Variants in ARHGEF7 observed in about 807,000 individuals in gnomAD.
ARHGEF7 encodes PAK-interacting exchange factor beta.
A neutral mutation model predicts 109.8 loss-of-function variants in ARHGEF7; 33 were observed. The observed-to-expected ratio is 0.30, with a 90% CI of 0.23 to 0.40. The LOEUF (loss-of-function observed/expected upper bound fraction) is 0.40. Ranked by LOEUF, ARHGEF7 falls within the 10% of genes least tolerant of loss-of-function variation. ARHGEF7 has a pLI of 1.00. For synonymous variants in ARHGEF7, 458 were observed against 424.6 expected (o/e 1.08, Z -0.97); for missense variants, 938 against 1,098.5 (o/e 0.85, Z 2.07).
intron 2 of ARHGEF7, among the ~76,000 whole-genome samples, chr13:111,199,501 T>C (rs1023243688): frequency 1.3e-5 from 2 of 152,220 alleles, no homozygotes; most frequent in Admixed American, 1.3e-4. Flanking sequence ...TGCCTGTGCA[T>C]ACTTGTAAGG....
intron 1 of ARHGEF7, among the ~76,000 whole-genome samples, chr13:111,143,012 T>C (rs147025075): frequency 6.6e-6 from 1 of 152,264 alleles, no homozygotes; most frequent in East Asian, 1.9e-4. Flanking sequence ...GACTTCACTG[T>C]GTGTGGAGCT....
chr13:111,153,598 AT>A, intron 1 of ARHGEF7: 1 of 1,119,398 alleles, frequency 8.9e-7, no homozygotes, highest in South Asian at 2.7e-5. Flanking sequence ...ACCCGACGCT[AT>A]CCGAAGACGT....
chr13:111,189,957 A>G (rs921944871), intron 2 of ARHGEF7, among the ~76,000 whole-genome samples: 1 of 152,182 alleles, frequency 6.6e-6, no homozygotes, highest in Non-Finnish European at 1.5e-5. Context: ...CCCTCTAAAT[A>G]GGAGACTCCA....
intron 8 of ARHGEF7, among the ~76,000 whole-genome samples, chr13:111,246,935 A>G (rs891203216): frequency 2.0e-5 from 3 of 152,236 alleles, no homozygotes; most frequent in African/African-American, 7.2e-5. Flanking sequence ...AAAAAGCTGA[A>G]ATAAAGGCAG....
chr13:111,302,868 T>C (rs1418242085), intron 21 of ARHGEF7, 123 bp from the exon 22 acceptor site: 2 of 1,275,324 alleles, frequency 1.6e-6, no homozygotes, highest in Non-Finnish European at 2.2e-6. Flanking sequence ...TCAGAGCCCA[T>C]AGGCAGCTCA....
At chr13:111,257,432 T>G (rs1464888356) in intron 8 of ARHGEF7, among the ~76,000 whole-genome samples, 2 of 152,278 alleles carry the variant, frequency 1.3e-5, no homozygotes, top group Non-Finnish European at 2.9e-5. Context: ...TTTATAAGTA[T>G]TTAATGTAAT....
intron 17 of ARHGEF7, among the ~76,000 whole-genome samples, chr13:111,287,582 A>G (rs1211315375): frequency 6.6e-6 from 1 of 152,216 alleles, no homozygotes; most frequent in Non-Finnish European, 1.5e-5. Flanking sequence ...TGCTGCAGAG[A>G]CCCAGTGGGG....
Position 111,273,717 on chromosome 13 carries a change from T to A in ARHGEF7, c.1074-97T>A, listed in dbSNP as rs576365186. The A allele has an allele frequency of 3.3e-6, 5 of 1,519,162 alleles. No homozygotes were observed. Among genetic ancestry groups the A allele is most frequent in the Non-Finnish European group, 4.5e-6 (5 of 1,103,694 alleles). 94.1% of individuals were successfully genotyped at this position (1,519,162 alleles called of 1,614,324 possible). A position where few individuals can be genotyped will look rare whatever the true frequency, so the allele number is the denominator to read the frequency against. On this transcript the variant is annotated intron_variant, in intron 9 of 21. Transcript: ENST00000646102. This position sits in a 1 kb window ranked among gnomAD's most constrained non-coding sequence, Gnocchi z 4.5. The stretch of plus-strand genomic sequence containing the variant: ...TTCCAGATGTTAAAAGCAACACTTA[T>A]GTTTCATAAATTCTGGCTGTTGCTC...
chr13:111,238,622 G>A (rs1264174937), intron 6 of ARHGEF7, among the ~76,000 whole-genome samples: 1 of 152,146 alleles, frequency 6.6e-6, no homozygotes, highest in African/African-American at 2.4e-5. Flanking sequence ...ATTTGACAGT[G>A]AAAGCACACT....
At chr13:111,180,444 G>A (rs910408358) in intron 2 of ARHGEF7, among the ~76,000 whole-genome samples, 7 of 152,188 alleles carry the variant, frequency 4.6e-5, no homozygotes, top group Admixed American at 1.3e-4. Flanking sequence ...GAGAAGTAAC[G>A]GTGGAAATAC....
rs148146095 is a variant in ARHGEF7, at chr13:111,200,243, C to G, written c.253-5046C>G. On this transcript the variant is annotated intron_variant, in intron 2 of 21. Coordinates refer to ENST00000646102, the MANE Select transcript of ARHGEF7 (RefSeq NM_001354046.2). ...CATCCTTCATTTTCCTCCCGGTCAT[C>G]TCCAAGCCGAGCCTCCTTTCTCTGG... Among the ~76,000 whole-genome samples, 1,420 of 152,218 alleles carry G rather than the reference C, an allele frequency of 9.3e-3. 15 individuals carry two copies. Among genetic ancestry groups the G allele is most frequent in the Non-Finnish European group, 0.016 (1,085 of 68,010 alleles).
At chr13:111,213,564 T>C (rs1045918352) in intron 4 of ARHGEF7, among the ~76,000 whole-genome samples, 1 of 152,164 alleles carries the variant, frequency 6.6e-6, no homozygotes, top group Non-Finnish European at 1.5e-5. Context: ...GTTTTATCCA[T>C]TTTTGTATTT....
chr13:111,277,252 A>C lies in ARHGEF7; in HGVS notation c.1420-335A>C, dbSNP rs146960957. On this transcript the variant is annotated intron_variant, in intron 12 of 21. Transcript: ENST00000646102. ...ATCACAGAGCTGAACTCTTTAACCAAATATAGTTTCAAGATGTTACACAGG... is the reference window on the plus strand; with the variant it reads ...ATCACAGAGCTGAACTCTTTAACCACATATAGTTTCAAGATGTTACACAGG... Among the ~76,000 whole-genome samples the C allele has an allele frequency of 6.1e-3, 936 of 152,322 alleles. 9 individuals carry two copies. Among genetic ancestry groups the C allele is most frequent in the African/African-American group, 0.021 (884 of 41,576 alleles).
chr13:111,271,317 G>T (rs973411842), intron 9 of ARHGEF7, among the ~76,000 whole-genome samples: 5 of 152,198 alleles, frequency 3.3e-5, no homozygotes, highest in African/African-American at 1.2e-4. Flanking sequence ...GTCTGTCCTG[G>T]ACCCTCCTCA....
chr13:111,154,725 C>G (rs923043843), intron 2 of ARHGEF7, among the ~76,000 whole-genome samples: 1 of 152,138 alleles, frequency 6.6e-6, no homozygotes, highest in Non-Finnish European at 1.5e-5. Context: ...TTTTATTTTG[C>G]TATTGCGATT....
chr13:111,150,816 C>T (rs573858944), intron 1 of ARHGEF7, among the ~76,000 whole-genome samples: 2 of 152,276 alleles, frequency 1.3e-5, no homozygotes, highest in Admixed American at 1.3e-4. Context: ...ATGAAAAGAA[C>T]TTCTTTGTTG....
At chr13:111,221,373 ATATC>A (rs1273379570) in intron 5 of ARHGEF7, among the ~76,000 whole-genome samples, 2 of 36,670 alleles carry the variant, frequency 5.5e-5, no homozygotes, top group African/African-American at 1.8e-4. Flanking sequence ...ATCTATATAT[ATATC>A]TATATATATA....
rs2074765258 is a variant in ARHGEF7 at position 111,131,751 on chromosome 13, G to T, written c.165+16060G>T. ...GTGAGTGCAATTCAGAAGATTGTCT[G>T]CTGGCTTGGGCCTGTGCTGGGTGGG... On this transcript the variant is annotated intron_variant, in intron 1 of 21. Coordinates refer to ENST00000646102, the MANE Select transcript of ARHGEF7 (RefSeq NM_001354046.2). This position sits in a 1 kb window ranked among gnomAD's most constrained non-coding sequence, Gnocchi z 4.4. Among the ~76,000 whole-genome samples the T allele has an allele frequency of 2.0e-5, 3 of 152,232 alleles. No homozygotes were observed. The highest frequency in any genetic ancestry group is 4.4e-5 in the Non-Finnish European group (3 of 68,020).
At chr13:111,174,288 A>G (rs2077896844) in intron 2 of ARHGEF7, among the ~76,000 whole-genome samples, 1 of 152,224 alleles carries the variant, frequency 6.6e-6, no homozygotes, top group Admixed American at 6.5e-5. Context: ...TTTTACATTT[A>G]ACCACACTGT....
Sources: gnomAD v4.1 joint callset for allele counts (sites outside exome capture counted in the v4.1 genomes callset) on GRCh38, gnomAD v4.1.1 for gene constraint, Gnocchi (gnomAD v3.1) non-coding constraint, MANE v1.5 for transcripts, NCBI Gene and HGNC (gene_info 2026-07-23, HGNC 2026-07-21) for gene names.